Variants in DIPK1A observed in about 807,000 individuals in gnomAD.
DIPK1A encodes family with sequence similarity 69 member A.
A neutral mutation model predicts 40.8 loss-of-function variants in DIPK1A; 27 were observed. The observed-to-expected ratio is 0.66, with a 90% CI of 0.49 to 0.91. DIPK1A has a LOEUF of 0.91. Among genes scored for constraint, DIPK1A ranks in the 40% least tolerant of loss-of-function variants. The pLI, the probability that DIPK1A is intolerant of heterozygous loss-of-function variation, is 0.00. For missense variants in DIPK1A, 412 were observed against 505.7 expected (o/e 0.81, Z 1.78); for synonymous variants, 166 against 171.3 (o/e 0.97, Z 0.24).
intron 1 of DIPK1A, 138 bp downstream of exon 1, chr1:92,961,237 GC>G (rs1271577092): frequency 1.7e-5 from 7 of 410,546 alleles, no homozygotes; most frequent in African/African-American, 1.5e-4. Context: ...GCCGCCAGGT[GC>G]CGGACGGCAG....
At chr1:92,950,415 A>G (rs1651581518) in intron 1 of DIPK1A, among the ~76,000 whole-genome samples, 1 of 152,236 alleles carries the variant, frequency 6.6e-6, no homozygotes, top group Non-Finnish European at 1.5e-5. Flanking sequence ...AGACTCCTAA[A>G]GGCAATGGGA....
intron 1 of DIPK1A, among the ~76,000 whole-genome samples, chr1:92,891,719 A>C (rs1571096845): frequency 6.6e-6 from 1 of 151,918 alleles, no homozygotes; most frequent in Non-Finnish European, 1.5e-5. Context: ...GCATTGCCTC[A>C]CCCGGGAAGA....
intron 4 of DIPK1A, chr1:92,834,747 A>G: frequency 6.2e-7 from 1 of 1,611,900 alleles, no homozygotes; most frequent in East Asian, 2.2e-5. Flanking sequence ...TGAAAGCAAC[A>G]GATTACTAAC....
At chr1:92,873,743 G>A (rs1462181936) in intron 2 of DIPK1A, among the ~76,000 whole-genome samples, 1 of 151,886 alleles carries the variant, frequency 6.6e-6, no homozygotes, top group Middle Eastern at 3.4e-3. Context: ...ATGAAGTCTT[G>A]CTCTGTTGCC....
intron 1 of DIPK1A, among the ~76,000 whole-genome samples, chr1:92,947,491 TGGTG>T (rs1207699043): frequency 1.3e-5 from 2 of 152,200 alleles, no homozygotes; most frequent in African/African-American, 4.8e-5. Context: ...TATACACAGT[TGGTG>T]GGAATATAAA....
At chr1:92,866,036 T>G (rs1647519350) in intron 2 of DIPK1A, among the ~76,000 whole-genome samples, 1 of 152,136 alleles carries the variant, frequency 6.6e-6, no homozygotes. Context: ...TAATACATAG[T>G]TCTGGGAATT....
At chr1:92,944,436 A>G (rs1194440320) in intron 1 of DIPK1A, among the ~76,000 whole-genome samples, 3 of 152,224 alleles carry the variant, frequency 2.0e-5, no homozygotes, top group African/African-American at 4.8e-5. Flanking sequence ...ATAAAAATAT[A>G]AAACAGAGAT....
At chr1:92,894,203 C>A (rs369953228) in intron 1 of DIPK1A, among the ~76,000 whole-genome samples, 4 of 152,124 alleles carry the variant, frequency 2.6e-5, no homozygotes, top group Non-Finnish European at 5.9e-5. Context: ...AATATACATT[C>A]TTTTCAGCAC....
rs189685066 is a variant in DIPK1A at position 92,834,174 on chromosome 1, G to T, written c.475-1140C>A. Among the ~76,000 whole-genome samples the T allele has an allele frequency of 2.3e-4, 35 of 152,238 alleles. 1 individual carries two copies. The highest frequency in any genetic ancestry group is 2.0e-3 in the Admixed American group (31 of 15,298). ...CATCCCAATTCCAGTAGAAGAATAG[G>T]GTTTGTCCTGATTTTTCCTATATGG... On this transcript the variant is annotated intron_variant, in intron 4 of 4. Coordinates refer to the DIPK1A transcript ENST00000615519.
intron 1 of DIPK1A, among the ~76,000 whole-genome samples, chr1:92,909,617 T>G (rs1649752871): frequency 6.6e-6 from 1 of 152,106 alleles, no homozygotes; most frequent in South Asian, 2.1e-4. Context: ...ATCCAGGAAT[T>G]GGGGAAACAG....
At chr1:92,959,645 G>T (rs1190334109) in intron 1 of DIPK1A, among the ~76,000 whole-genome samples, 1 of 151,310 alleles carries the variant, frequency 6.6e-6, no homozygotes, top group Non-Finnish European at 1.5e-5. Context: ...TAGAGACGGG[G>T]TTTCACCGTG....
At chr1:92,907,450 G>GT (rs1174798800) in intron 1 of DIPK1A, among the ~76,000 whole-genome samples, 1 of 152,048 alleles carries the variant, frequency 6.6e-6, no homozygotes, top group Non-Finnish European at 1.5e-5. Flanking sequence ...ATTAAAAAAA[G>GT]TTTTTTAGAG....
chr1:92,862,187 G>T (rs770357163), intron 2 of DIPK1A, among the ~76,000 whole-genome samples: 6 of 152,062 alleles, frequency 3.9e-5, no homozygotes, highest in Non-Finnish European at 7.4e-5. Flanking sequence ...CTCTATCCCA[G>T]CCTAGGCCTT....
At chr1:92,913,872 A>C (rs944776453) in intron 1 of DIPK1A, among the ~76,000 whole-genome samples, 1 of 152,172 alleles carries the variant, frequency 6.6e-6, no homozygotes, top group African/African-American at 2.4e-5. Flanking sequence ...ATTCTGGAAA[A>C]AGGTAAGCTA....
intron 1 of DIPK1A, among the ~76,000 whole-genome samples, chr1:92,879,526 G>A (rs1648279535): frequency 6.6e-6 from 1 of 152,206 alleles, no homozygotes. Flanking sequence ...GATTGATGAT[G>A]TTCCCAGCAG....
intron 1 of DIPK1A, among the ~76,000 whole-genome samples, chr1:92,956,567 T>C (rs997231008): frequency 6.6e-6 from 1 of 152,206 alleles, no homozygotes; most frequent in African/African-American, 2.4e-5. Context: ...TCCTGGAGAC[T>C]GAAAATGGGC....
chr1:92,940,275 G>A (rs1651102171), intron 1 of DIPK1A, among the ~76,000 whole-genome samples: 1 of 152,110 alleles, frequency 6.6e-6, no homozygotes. Context: ...CCCCTGACTT[G>A]CCTTTCCTTT....
chr1:92,909,820 G>A (rs1481781382), intron 1 of DIPK1A, among the ~76,000 whole-genome samples: 1 of 152,076 alleles, frequency 6.6e-6, no homozygotes, highest in Non-Finnish European at 1.5e-5. Context: ...GTGTAGGGGG[G>A]AATAAAAGGA....
At chr1:92,866,508 G>A (rs975081657) in intron 2 of DIPK1A, among the ~76,000 whole-genome samples, 1 of 152,096 alleles carries the variant, frequency 6.6e-6, no homozygotes, top group African/African-American at 2.4e-5. Context: ...CATTTTTGTA[G>A]TACAACTATT....
Sources: allele counts gnomAD v4.1 joint callset (sites outside exome capture counted in the v4.1 genomes callset), GRCh38; gene constraint gnomAD v4.1.1; transcripts MANE v1.5; gene names NCBI Gene and HGNC (gene_info 2026-07-23, HGNC 2026-07-21).